The following KIAA1671 variants were observed in gnomAD, a reference collection of about 807,000 sequenced individuals.
KIAA1671 encodes the protein uncharacterized protein KIAA1671.
Under a neutral mutation model 131.2 loss-of-function variants are expected in KIAA1671, and 52 were observed. The ratio of observed to expected loss-of-function variants is 0.40; its 90% CI spans 0.32 to 0.50. The LOEUF is 0.50. Ranked by LOEUF, KIAA1671 falls within the 20% of genes least tolerant of loss-of-function variation. KIAA1671 has a pLI of 0.73. For synonymous variants in KIAA1671, 1,003 were observed against 961.6 expected (o/e 1.04, Z -0.80); for missense variants, 2,360 against 2,364.2 (o/e 1.00, Z 0.04).
intron 6 of KIAA1671, among the ~76,000 whole-genome samples, chr22:25,108,430 G>A (rs1219144056): frequency 6.6e-6 from 1 of 152,138 alleles, no homozygotes; most frequent in African/African-American, 2.4e-5. Flanking sequence ...TGCGTAATGA[G>A]GGAGCAGACC....
chr22:25,182,681 C>A (rs1239830915), intron 10 of KIAA1671, among the ~76,000 whole-genome samples: 4 of 152,196 alleles, frequency 2.6e-5, no homozygotes, highest in Admixed American at 2.6e-4. Context: ...CTCTCCTCCG[C>A]CCCCAAACCT....
chr22:24,985,334 T>C (rs1460693207), intron 1 of KIAA1671, among the ~76,000 whole-genome samples: 1 of 150,688 alleles, frequency 6.6e-6, no homozygotes, highest in Non-Finnish European at 1.5e-5. Context: ...CTGCTGTGTT[T>C]TGTTTCTTTC....
intron 1 of KIAA1671, among the ~76,000 whole-genome samples, chr22:24,986,418 A>G (rs1277993059): frequency 6.6e-6 from 1 of 152,094 alleles, no homozygotes; most frequent in Non-Finnish European, 1.5e-5. Flanking sequence ...AAGATTAATT[A>G]TGATAGTTAA....
intron 6 of KIAA1671, chr22:25,052,715 T>TATC (rs1307130246): frequency 6.6e-6 from 1 of 150,560 alleles, no homozygotes; most frequent in Non-Finnish European, 1.5e-5. Context: ...TCATAGCAGC[T>TATC]ATTATTATTA....
In KIAA1671 at chr22:25,084,855, T is replaced by C. The variant is rs141917373; in HGVS notation, c.4530+35491T>C. On this transcript the variant is annotated intron_variant, in intron 6 of 12. Transcript: ENST00000358431. ...ACACGTGATGGTTCAAAAACCAGGC[T>C]TCCCTGGGACTGTCAACCAGAGCAC... Among the ~76,000 whole-genome samples, 39 of 152,384 alleles carry C rather than the reference T, an allele frequency of 2.6e-4. No homozygotes were observed. In the East Asian group the frequency reaches 6.7e-3, roughly 26 times the overall value.
At position 25,039,424 on chromosome 22, in the gene KIAA1671, G is replaced by C. The variant is rs1179791604; in HGVS notation, c.2294G>C (p.Trp765Ser). The C allele has an allele frequency of 1.3e-6, 2 of 1,551,688 alleles. No homozygotes were observed. Among genetic ancestry groups the C allele is most frequent in the Non-Finnish European group, 1.7e-6 (2 of 1,147,028 alleles). Residue 765 changes from tryptophan to serine, a missense_variant, in exon 5 of 13, where the codon TGG becomes TCG. Around this residue, in one of 3 missense-constraint regions of KIAA1671, gnomAD observed 1,185 missense variants for 1,126.2 expected, o/e 1.05. Transcript: ENST00000358431. ...KAVTLRSLRS[W>S]LSLKDRQLSQ... ...GTCACGCTCCGCAGCCTCAGGTCTT[G>C]GCTCTCACTGAAGGACAGGCAGCTG... is the stretch of plus-strand genomic sequence containing the variant.
chr22:25,099,731 T>C (rs1209202085), intron 6 of KIAA1671, among the ~76,000 whole-genome samples: 2 of 152,026 alleles, frequency 1.3e-5, no homozygotes, highest in Non-Finnish European at 2.9e-5. Context: ...GTCAGGCTGG[T>C]CTCGAACTCC....
chr22:25,164,870 T>C (rs132897), intron 6 of KIAA1671, among the ~76,000 whole-genome samples: 117,307 of 151,004 alleles, frequency 0.78, 46,637 homozygotes, highest in African/African-American at 0.94. Context: ...ATCACTTGAA[T>C]CCAGGAGGTG....
At chr22:24,981,294 A>G (rs1602042455) in intron 1 of KIAA1671, among the ~76,000 whole-genome samples, 1 of 152,064 alleles carries the variant, frequency 6.6e-6, no homozygotes, top group South Asian at 2.1e-4. Flanking sequence ...CTTTCTGAGG[A>G]TGTACCCTGG....
At chr22:25,138,532 T>C (rs970157830) in intron 6 of KIAA1671, among the ~76,000 whole-genome samples, 23 of 152,214 alleles carry the variant, frequency 1.5e-4, no homozygotes, top group Non-Finnish European at 2.6e-4. Flanking sequence ...CTCTGAAGCA[T>C]GAGCCACCCT....
At chr22:25,001,169 A>G (rs557116918) in intron 1 of KIAA1671, among the ~76,000 whole-genome samples, 39 of 149,718 alleles carry the variant, frequency 2.6e-4, no homozygotes, top group African/African-American at 7.5e-4. Context: ...ATGTGTATGT[A>G]TGTGTATATA....
In KIAA1671 at chr22:25,039,280, T is replaced by C; in HGVS notation, c.2150T>C (p.Leu717Pro). The C allele has an allele frequency of 6.4e-7, 1 of 1,552,236 alleles. No homozygotes were observed. ...LSENHNNNTF[L>P]KHLENPPTSQ... ...GAAAACCACAATAATAACACCTTCC[T>C]CAAACACTTGGAAAATCCTCCCACA... The change falls in exon 5 of 13, where the codon CTC becomes CCC. Residue 717 changes from leucine to proline, a missense_variant. Around this residue, in one of 3 missense-constraint regions of KIAA1671, gnomAD observed 1,185 missense variants for 1,126.2 expected, o/e 1.05. Transcript: ENST00000358431.
At chr22:25,066,493 G>A (rs1928482251) in intron 6 of KIAA1671, among the ~76,000 whole-genome samples, 1 of 152,160 alleles carries the variant, frequency 6.6e-6, no homozygotes, top group Non-Finnish European at 1.5e-5. Flanking sequence ...TGAGGGTGGA[G>A]CTGTCATGGC....
At chr22:25,013,715 C>T (rs1925163135) in intron 1 of KIAA1671, 1 of 152,200 alleles carries the variant, frequency 6.6e-6, no homozygotes. Context: ...CTGGGTCTTC[C>T]TTCCTGCCCC....
In KIAA1671 at chr22:25,028,696, G is replaced by A. The variant is rs1926102138; in HGVS notation, c.697G>A (p.Glu233Lys). 3 of 1,551,080 alleles carry A rather than the reference G, an allele frequency of 1.9e-6. No individual in the cohort carries two copies. The South Asian group carries it at 3.6e-5, about 18-fold the overall frequency. ...SVEDTARPLV[E>K]PRPRLKRRPV... is the part of the protein sequence containing the mutation. Reference sequence around the variant, plus strand: ...GGAGGACACGGCACGCCCCCTTGTGGAGCCCAGGCCTCGCCTGAAGAGAAG... The same window carrying A: ...GGAGGACACGGCACGCCCCCTTGTGAAGCCCAGGCCTCGCCTGAAGAGAAG... Residue 233 changes from glutamate (E) to lysine (K), a missense_variant, in exon 3 of 13, where the codon GAG becomes AAG. Glu to Lys is a moderately conservative substitution (Grantham distance 56). This residue lies in a region of KIAA1671 where 1,185 missense variants were observed against 1,126.2 expected (regional missense o/e 1.05). Coordinates refer to ENST00000358431, the MANE Select transcript of KIAA1671 (RefSeq NM_001145206.2).
intron 1 of KIAA1671, among the ~76,000 whole-genome samples, chr22:24,955,052 A>G (rs13055240): frequency 2.4e-3 from 371 of 152,286 alleles, no homozygotes; most frequent in Non-Finnish European, 4.3e-3. Context: ...AAGTGCTAGG[A>G]TTACAGGCAT....
At chr22:25,183,671 G>T (rs1216735118) in intron 10 of KIAA1671, among the ~76,000 whole-genome samples, 1 of 151,582 alleles carries the variant, frequency 6.6e-6, no homozygotes, top group South Asian at 2.1e-4. Flanking sequence ...TACAGGCGCC[G>T]GCCACCATGC....
At chr22:24,955,207 T>C (rs932203299) in intron 1 of KIAA1671, among the ~76,000 whole-genome samples, 2 of 152,220 alleles carry the variant, frequency 1.3e-5, no homozygotes, top group Admixed American at 1.3e-4. Flanking sequence ...ACAGGGATAT[T>C]TTATATGTGC....
At chr22:25,042,065 G>A (rs1479239264) in intron 5 of KIAA1671, among the ~76,000 whole-genome samples, 1 of 152,162 alleles carries the variant, frequency 6.6e-6, no homozygotes, top group African/African-American at 2.4e-5. Context: ...TCACAGGCAG[G>A]AATGCTGGCC....
Sources: allele counts gnomAD v4.1 joint callset (sites outside exome capture counted in the v4.1 genomes callset), GRCh38; gene constraint gnomAD v4.1.1; regional missense constraint gnomAD v4.1.1; transcripts MANE v1.5; gene names NCBI Gene and HGNC (gene_info 2026-07-23, HGNC 2026-07-21).